The following ERG variants were observed in gnomAD, a reference collection of about 807,000 sequenced individuals.
ERG encodes ETS transcription factor ERG, also known as transcriptional regulator ERG.
ERG carries 9 observed loss-of-function variants against 55.3 expected under a neutral mutation model. The observed-to-expected ratio is 0.16, with a 90% CI of 0.10 to 0.28. The LOEUF is 0.28. ERG is among the 10% of genes least tolerant of loss of function. ERG has a pLI of 1.00. For synonymous variants in ERG, 223 were observed against 237.3 expected (o/e 0.94, Z 0.55); for missense variants, 434 against 631.6 (o/e 0.69, Z 3.35).
intron 9 of ERG, among the ~76,000 whole-genome samples, chr21:38,384,151 C>T (rs1010224961): frequency 7.9e-5 from 12 of 152,348 alleles, no homozygotes; most frequent in Non-Finnish European, 1.2e-4. Flanking sequence ...CTCGCCCACC[C>T]CCAGGTATCC....
At chr21:38,558,821 G>C (rs999230898) in intron 2 of ERG, among the ~76,000 whole-genome samples, 2 of 152,172 alleles carry the variant, frequency 1.3e-5, no homozygotes, top group Non-Finnish European at 2.9e-5. Context: ...ACATTTAAGA[G>C]AAATGGAGTC....
intron 1 of ERG, among the ~76,000 whole-genome samples, chr21:38,485,315 A>G (rs1337805780): frequency 6.6e-6 from 1 of 152,186 alleles, no homozygotes; most frequent in Non-Finnish European, 1.5e-5. Flanking sequence ...TTTCTGTACA[A>G]CTGAACCACA....
intron 1 of ERG, among the ~76,000 whole-genome samples, chr21:38,607,635 T>G (rs139073759): frequency 0.022 from 3,401 of 151,644 alleles, 73 homozygotes; most frequent in East Asian, 0.093. Context: ...CCAGACTCCG[T>G]CTCAAAAAAA....
chr21:38,382,704 C>A lies in ERG; in HGVS notation c.*699G>T. 1 of 1,066,936 alleles carries A rather than the reference C, an allele frequency of 9.4e-7. No homozygotes were observed. The highest frequency in any genetic ancestry group is 1.1e-6 in the Non-Finnish European group (1 of 879,970). The allele number at this position is 1,066,936 out of a possible 1,614,324, so 66.1% of individuals were successfully genotyped here. A position where few individuals can be genotyped will look rare whatever the true frequency, so the allele number is the denominator to read the frequency against. On this transcript the variant is annotated 3_prime_UTR_variant, in exon 10 of 10. Coordinates refer to ENST00000288319, the MANE Select transcript of ERG (RefSeq NM_182918.4). ...TGCCTCTTCCTCCTCCTTCTTCACCCCTCTGTCTACAATCACACGCTCACT... is the reference window on the plus strand; with the variant it reads ...TGCCTCTTCCTCCTCCTTCTTCACCACTCTGTCTACAATCACACGCTCACT...
intron 3 of ERG, among the ~76,000 whole-genome samples, chr21:38,410,781 C>T (rs1989012498): frequency 6.6e-6 from 1 of 151,456 alleles, no homozygotes; most frequent in Non-Finnish European, 1.5e-5. Context: ...TTTCAGAGGC[C>T]CCTCTAGAGA....
At chr21:38,591,884 T>C (rs1368361384) in intron 1 of ERG, among the ~76,000 whole-genome samples, 1 of 152,226 alleles carries the variant, frequency 6.6e-6, no homozygotes, top group Non-Finnish European at 1.5e-5. Context: ...AAAGAAGGTT[T>C]ATCTTATTTG....
At chr21:38,438,268 T>C (rs2058809318) in intron 2 of ERG, among the ~76,000 whole-genome samples, 1 of 152,228 alleles carries the variant, frequency 6.6e-6, no homozygotes, top group Non-Finnish European at 1.5e-5. Context: ...CTCCTTAGCA[T>C]TTACCATGAT....
At chr21:38,615,727 T>G (rs1445586592) in intron 1 of ERG, among the ~76,000 whole-genome samples, 67 of 151,476 alleles carry the variant, frequency 4.4e-4, no homozygotes, top group Non-Finnish European at 1.3e-4. Flanking sequence ...ACAAAAGGGT[T>G]TTTGAAAAAT....
intron 1 of ERG, among the ~76,000 whole-genome samples, chr21:38,487,802 C>T (rs1016270464): frequency 1.3e-5 from 2 of 152,194 alleles, no homozygotes; most frequent in African/African-American, 4.8e-5. Flanking sequence ...CTGAGATTGA[C>T]ATAGTGTGTC....
the ERG span, among the ~76,000 whole-genome samples, chr21:38,370,454 T>C: frequency 6.6e-6 from 1 of 152,236 alleles, no homozygotes; most frequent in African/African-American, 2.4e-5. Context: ...TCAATATTTC[T>C]TTTACAGGTT....
chr21:38,536,695 A>G (rs562690731), intron 2 of ERG, among the ~76,000 whole-genome samples: 1 of 152,370 alleles, frequency 6.6e-6, no homozygotes, highest in South Asian at 2.1e-4. Context: ...GTCTGTCATC[A>G]GTATTTACAT....
upstream of ERG, among the ~76,000 whole-genome samples, chr21:38,585,567 G>A (rs1468737329): frequency 3.0e-5 from 1 of 33,160 alleles, no homozygotes. Flanking sequence ...TTAGATACAG[G>A]AATTTCTTAC....
chr21:38,470,330 T>C (rs1343511481), intron 1 of ERG, among the ~76,000 whole-genome samples: 1 of 152,162 alleles, frequency 6.6e-6, no homozygotes, highest in Non-Finnish European at 1.5e-5. Context: ...AAAGATGACC[T>C]AACTCATTTG....
intron 2 of ERG, among the ~76,000 whole-genome samples, chr21:38,536,154 T>G (rs1254475285): frequency 6.6e-6 from 1 of 152,116 alleles, no homozygotes. Context: ...GCTGGTAAGT[T>G]ACCCCTAAAA....
At chr21:38,387,559 T>A (rs55968233) in intron 9 of ERG, among the ~76,000 whole-genome samples, 1,840 of 152,308 alleles carry the variant, frequency 0.012, 36 homozygotes, top group African/African-American at 0.041. Context: ...ATGGTAATAG[T>A]ACTATCTTGC....
chr21:38,408,604 A>C (rs1352881978), intron 3 of ERG, among the ~76,000 whole-genome samples: 1 of 152,198 alleles, frequency 6.6e-6, no homozygotes, highest in Non-Finnish European at 1.5e-5. Flanking sequence ...AGGTCAGTGC[A>C]CTGGGTCCAG....
chr21:38,415,258 T>C (rs1248932886), intron 3 of ERG, among the ~76,000 whole-genome samples: 2 of 152,226 alleles, frequency 1.3e-5, no homozygotes, highest in African/African-American at 2.4e-5. Context: ...AGAATGATAA[T>C]GAGTACCTAC....
intron 1 of ERG, among the ~76,000 whole-genome samples, chr21:38,651,392 G>A (rs955747668): frequency 2.6e-5 from 4 of 152,110 alleles, no homozygotes; most frequent in Admixed American, 1.3e-4. Context: ...TGCACTATTC[G>A]GCATGGTGGC....
intron 1 of ERG, among the ~76,000 whole-genome samples, chr21:38,494,197 G>A (rs375108555): frequency 6.6e-6 from 1 of 152,180 alleles, no homozygotes; most frequent in Non-Finnish European, 1.5e-5. Context: ...CCCAGGCCAG[G>A]GAGCAGTTGT....
Sources: allele counts gnomAD v4.1 joint callset (sites outside exome capture counted in the v4.1 genomes callset), GRCh38; gene constraint gnomAD v4.1.1; transcripts MANE v1.5; gene names NCBI Gene and HGNC (gene_info 2026-07-23, HGNC 2026-07-21).